The following VPS13B variants were observed in gnomAD, a reference collection of about 807,000 sequenced individuals.
VPS13B encodes the protein vacuolar protein sorting 13 homolog B.
In VPS13B, 285 loss-of-function variants were observed where a neutral mutation model predicts 426.4. The observed-to-expected ratio is 0.67, with a 90% confidence interval of 0.61 to 0.74. VPS13B has a LOEUF of 0.74. Among genes scored for constraint, VPS13B ranks in the 30% least tolerant of loss-of-function variants. VPS13B has a pLI of 0.00. For missense variants in VPS13B, 4,537 were observed against 4,782.6 expected (o/e 0.95, Z 1.51); for synonymous variants, 1,676 against 1,676.4 (o/e 1.00, Z 0.01).
chr8:99,504,440 A>G (rs769579194), intron 27 of VPS13B, among the ~76,000 whole-genome samples: 1 of 152,214 alleles, frequency 6.6e-6, no homozygotes, highest in Non-Finnish European at 1.5e-5. Flanking sequence ...GTCTTGAAAG[A>G]CAGAATTACT....
At chr8:99,378,919 C>G (rs910927179) in intron 19 of VPS13B, among the ~76,000 whole-genome samples, 3 of 152,092 alleles carry the variant, frequency 2.0e-5, no homozygotes, top group African/African-American at 7.2e-5. Flanking sequence ...TTTCTCATGT[C>G]TAGAGCTAAG....
chr8:99,739,360 G>T (rs1164186957), intron 39 of VPS13B, among the ~76,000 whole-genome samples: 1 of 152,246 alleles, frequency 6.6e-6, no homozygotes, highest in African/African-American at 2.4e-5. Flanking sequence ...CGCAGCTCAA[G>T]GAGGCCTGCC....
intron 43 of VPS13B, among the ~76,000 whole-genome samples, chr8:99,785,073 C>T (rs1230700942): frequency 6.6e-6 from 1 of 152,052 alleles, no homozygotes; most frequent in Non-Finnish European, 1.5e-5. Context: ...AAAAGACACA[C>T]CAAAGGATGT....
intron 25 of VPS13B, among the ~76,000 whole-genome samples, chr8:99,490,509 C>T (rs531915366): frequency 1.9e-4 from 29 of 152,218 alleles, no homozygotes; most frequent in South Asian, 1.2e-3. Flanking sequence ...TGGTAGAATT[C>T]GGCTGTGTAT....
chr8:99,316,366 A>G (rs1809657886), intron 19 of VPS13B, among the ~76,000 whole-genome samples: 1 of 152,170 alleles, frequency 6.6e-6, no homozygotes. Context: ...GCCCCAGGTT[A>G]TGATGCAATC....
At chr8:99,556,871 A>T (rs779657476) in intron 31 of VPS13B, among the ~76,000 whole-genome samples, 3 of 149,112 alleles carry the variant, frequency 2.0e-5, no homozygotes, top group Non-Finnish European at 4.4e-5. Context: ...CAAATTTAGG[A>T]TTATGTTAGC....
At chr8:99,516,807 A>G (rs909611551) in intron 29 of VPS13B, among the ~76,000 whole-genome samples, 32 of 148,660 alleles carry the variant, frequency 2.2e-4, no homozygotes, top group Non-Finnish European at 4.2e-4. Context: ...AAAAAAAAAA[A>G]AAAAAAAAAA....
chr8:99,136,547 G>T, intron 11 of VPS13B, 118 bp from the exon 12 acceptor site: 1 of 979,486 alleles, frequency 1.0e-6, no homozygotes, highest in Non-Finnish European at 1.6e-6. Context: ...CTGTTCTTTT[G>T]GTCATCCTTT....
intron 52 of VPS13B, among the ~76,000 whole-genome samples, chr8:99,834,827 G>T (rs1395642641): frequency 1.3e-5 from 2 of 152,166 alleles, no homozygotes; most frequent in Admixed American, 1.3e-4. Context: ...CCAAAGTGCC[G>T]GGATTATAGG....
chr8:99,082,081 G>A (rs1173125099), intron 3 of VPS13B, among the ~76,000 whole-genome samples: 5 of 152,208 alleles, frequency 3.3e-5, no homozygotes, highest in Non-Finnish European at 5.9e-5. Context: ...CCCACCAACA[G>A]TGTAAAAGTG....
chr8:99,109,664 C>T (rs1314413494), intron 5 of VPS13B, among the ~76,000 whole-genome samples: 1 of 152,188 alleles, frequency 6.6e-6, no homozygotes, highest in African/African-American at 2.4e-5. Context: ...TAGGCATGAA[C>T]CACCATGCCT....
chr8:99,607,592 A>G (rs1398982209), intron 33 of VPS13B, among the ~76,000 whole-genome samples: 1 of 152,198 alleles, frequency 6.6e-6, no homozygotes, highest in Non-Finnish European at 1.5e-5. Flanking sequence ...GTAGCAGGTC[A>G]TATACAATTT....
chr8:99,090,143 TA>T (rs1807995888), intron 3 of VPS13B, among the ~76,000 whole-genome samples: 1 of 152,106 alleles, frequency 6.6e-6, no homozygotes. Context: ...TTTTGGGGGC[TA>T]AGGATTTTAT....
intron 29 of VPS13B, among the ~76,000 whole-genome samples, chr8:99,519,247 A>G (rs1033159771): frequency 7.2e-5 from 11 of 152,214 alleles, no homozygotes; most frequent in South Asian, 4.1e-4. Flanking sequence ...CAAAACTGCA[A>G]TGAGATACCA....
intron 17 of VPS13B, among the ~76,000 whole-genome samples, chr8:99,213,382 A>G (rs1357212165): frequency 1.3e-5 from 2 of 152,214 alleles, no homozygotes; most frequent in Non-Finnish European, 2.9e-5. Flanking sequence ...CATGTCAAAA[A>G]TTATAGATAG....
intron 17 of VPS13B, among the ~76,000 whole-genome samples, chr8:99,222,738 A>C (rs1220319705): frequency 3.9e-5 from 6 of 152,212 alleles, no homozygotes; most frequent in Admixed American, 3.9e-4. Flanking sequence ...CAATTTTTTC[A>C]TGAGGCAAAT....
chr8:99,405,941 A>G (rs1251904966), intron 21 of VPS13B, among the ~76,000 whole-genome samples: 3 of 151,826 alleles, frequency 2.0e-5, no homozygotes, highest in Admixed American at 2.0e-4. Context: ...CACCAACACC[A>G]GTTAATTTTT....
intron 3 of VPS13B, among the ~76,000 whole-genome samples, chr8:99,090,953 A>G (rs2132413259): frequency 6.6e-6 from 1 of 152,200 alleles, no homozygotes; most frequent in East Asian, 1.9e-4. Context: ...AAAAAGTGGG[A>G]GAGGGAGGTG....
chr8:99,194,955 C>T (rs866859304), intron 17 of VPS13B, among the ~76,000 whole-genome samples: 2 of 152,150 alleles, frequency 1.3e-5, no homozygotes, highest in South Asian at 2.1e-4. Flanking sequence ...AAGCAATTCT[C>T]CTGCCTCAGC....
Sources: allele counts gnomAD v4.1 joint callset (sites outside exome capture counted in the v4.1 genomes callset), GRCh38; gene constraint gnomAD v4.1.1; transcripts MANE v1.5; gene names NCBI Gene and HGNC (gene_info 2026-07-23, HGNC 2026-07-21).